Variants in DIDO1 observed in about 807,000 individuals in gnomAD.
DIDO1 encodes the protein death-inducer obliterator 1.
A neutral mutation model predicts 99.4 loss-of-function variants in DIDO1; 16 were observed. The observed-to-expected ratio is 0.16, with a 90% CI of 0.11 to 0.24. The LOEUF (loss-of-function observed/expected upper bound fraction) is 0.24, where lower values mean the gene tolerates loss of function less well. Ranked by LOEUF, DIDO1 falls within the 10% of genes least tolerant of loss-of-function variation. The pLI is 1.00. For missense variants in DIDO1, 2,996 were observed against 3,014.0 expected, an observed-to-expected ratio of 0.99 and a Z score of 0.14; for synonymous variants, 1,366 against 1,239.1, an observed-to-expected ratio of 1.10 and a Z score of -2.15.
chr20:62,894,063 C>T lies in DIDO1; in HGVS notation c.2704G>A (p.Val902Met), dbSNP rs925439136. The T allele has an allele frequency of 1.9e-6, 3 of 1,614,246 alleles. No homozygotes were observed. The highest frequency in any genetic ancestry group is 2.5e-6 in the Non-Finnish European group (3 of 1,180,052). The change falls in exon 12 of 16, where the codon GTG (valine) becomes ATG (methionine). Residue 902 changes from valine (V) to methionine (M), a missense_variant. Physicochemically the swap from Val to Met is conservative, Grantham distance 21. Transcript: ENST00000395343. The surrounding 1 kb of genome is among the most constrained non-coding windows in gnomAD (Gnocchi z 4.4). ...PDPAPDSADE[V>M]MPEAVPEVAS... Reference sequence around the variant, plus strand: ...ACTTCAGGCACAGCCTCCGGCATCACCTCATCAGCTGAATCCGGAGCTGGG... The same window carrying T: ...ACTTCAGGCACAGCCTCCGGCATCATCTCATCAGCTGAATCCGGAGCTGGG...
rs1193596826 is a variant in DIDO1 at position 62,914,348 on chromosome 20, C to T, written c.-141G>A. ...GTTGTCAGCCACTGTTCACGAGTAA[C>T]AGGCTTCGTATTTTCAACAACTCAG... On this transcript the variant is annotated 5_prime_UTR_variant, in exon 2 of 16. Transcript: ENST00000395343. The T allele has an allele frequency of 6.6e-6, 1 of 152,234 alleles. No homozygotes were observed. The highest frequency in any genetic ancestry group is 1.5e-5 in the Non-Finnish European group (1 of 68,044). The allele number at this position is 152,234 out of a possible 1,614,324, so 9.4% of individuals were successfully genotyped here.
intron 15 of DIDO1, among the ~76,000 whole-genome samples, chr20:62,882,885 C>CGTGCCA (rs1252432550): frequency 1.3e-5 from 2 of 149,290 alleles, no homozygotes; most frequent in Non-Finnish European, 3.0e-5. Context: ...TTCTTCCCCT[C>CGTGCCA]GTGCCACTGC....
At chr20:62,897,243 T>C (rs926006546) in intron 6 of DIDO1, among the ~76,000 whole-genome samples, 6 of 152,380 alleles carry the variant, frequency 3.9e-5, no homozygotes, top group South Asian at 2.1e-4. Flanking sequence ...TTCTATCTTT[T>C]ACCTTCAACC....
In DIDO1 at chr20:62,911,986, C is replaced by T. The variant is rs915415659; in HGVS notation, c.-2-372G>A. Among the ~76,000 whole-genome samples, 5 of 151,500 alleles carry T rather than the reference C, an allele frequency of 3.3e-5. No homozygotes were observed. Among genetic ancestry groups the T allele is most frequent in the African/African-American group, 9.8e-5 (4 of 40,810 alleles). ...GACGTGAGCAAGGACGCGAGCAGCT[C>T]GGAGGTGGCACGAGCTCCCCAGCAC... On this transcript the variant is annotated intron_variant, in intron 2 of 15. Transcript: ENST00000395343. The surrounding 1 kb of genome is among the most constrained non-coding windows in gnomAD (Gnocchi z 7.0).
upstream of DIDO1, among the ~76,000 whole-genome samples, chr20:62,930,085 CAAAAAT>C (rs1310542836): frequency 1.3e-5 from 2 of 151,920 alleles, no homozygotes; most frequent in African/African-American, 4.8e-5. Flanking sequence ...ACTAAAAATA[CAAAAAT>C]TAGCCGGGCG....
rs878923358 is a variant in DIDO1 at position 62,882,489 on chromosome 20, G to A, written c.3542-75C>T. 51 of 1,354,692 alleles carry A rather than the reference G, an allele frequency of 3.8e-5. 1 individual carries two copies. In the South Asian group the frequency reaches 6.6e-4, roughly 17 times the overall value. 83.9% of individuals were successfully genotyped at this position (1,354,692 alleles called of 1,614,324 possible). On this transcript the variant is annotated intron_variant, in intron 15 of 15. Transcript: ENST00000395343. The stretch of plus-strand genomic sequence containing the variant: ...ACCCTTTAGAGGTGAATTTCATTAA[G>A]GGCTTTCACGGGGAACGTTTAATAG...
intron 6 of DIDO1, among the ~76,000 whole-genome samples, chr20:62,901,484 C>T (rs967385730): frequency 2.6e-5 from 4 of 152,180 alleles, no homozygotes; most frequent in African/African-American, 7.2e-5. Context: ...ATCTCCCACA[C>T]GAGTAATTTA....
rs756083744 is a variant in DIDO1 at position 62,905,953 on chromosome 20, C to G, written c.1522G>C (p.Asp508His). The change falls in exon 6 of 16, where the codon GAT (aspartate) becomes CAT (histidine). Residue 508 changes from aspartate to histidine, a missense_variant. Coordinates refer to ENST00000395343, the MANE Select transcript of DIDO1 (RefSeq NM_001193369.2). The stretch of plus-strand genomic sequence containing the variant: ...GGCTTTACTGCATTGTAATTGTGAT[C>G]GCTCGCCCACGACGGCGTGCTGCTC... ...CESSTPSWAS[D>H]HNYNAVKPEK... 6.2e-7 allele frequency: 1 copy of G among 1,614,032 alleles called. No homozygotes were observed. Among genetic ancestry groups the G allele is most frequent in the Non-Finnish European group, 8.5e-7 (1 of 1,180,028 alleles).
chr20:62,905,265 C>G, intron 6 of DIDO1: 1 of 1,353,122 alleles, frequency 7.4e-7, no homozygotes, highest in East Asian at 3.0e-5. Context: ...ACCGTGGGGC[C>G]TATGAAGCAG....
chr20:62,925,813 A>G (rs1215472700), intron 1 of DIDO1, among the ~76,000 whole-genome samples: 1 of 152,132 alleles, frequency 6.6e-6, no homozygotes, highest in African/African-American at 2.4e-5. Context: ...AAACCAACGC[A>G]ACAAACTATT....
At position 62,879,233 on chromosome 20, in the gene DIDO1, C is replaced by A; in HGVS notation, c.6723G>T (p.Ter2241TyrextTer10). 1 of 1,516,030 alleles carries A rather than the reference C, an allele frequency of 6.6e-7. No individual in the cohort carries two copies. Among genetic ancestry groups the A allele is most frequent in the Non-Finnish European group, 8.8e-7 (1 of 1,137,602 alleles). 93.9% of individuals were successfully genotyped at this position (1,516,030 alleles called of 1,614,324 possible). A position where few individuals can be genotyped will look rare whatever the true frequency, so the allele number is the denominator to read the frequency against. ...ASDAGTASQA* is the reference protein window; with the variant it reads ...ASDAGTASQAY The stretch of plus-strand genomic sequence containing the variant: ...AAGGGTCTCTGCCCGGCCGGGGCGT[C>A]TAGGCCTGCGAGGCGGTGCCAGCGT... The change falls in exon 16 of 16, where the codon TAG (stop) becomes TAT (tyrosine). Residue 2241 changes from the stop codon to tyrosine (Y), a stop_lost. Transcript: ENST00000395343. The surrounding 1 kb of genome is among the most constrained non-coding windows in gnomAD (Gnocchi z 6.3).
chr20:62,929,520 G>A (rs2065303131), upstream of DIDO1, among the ~76,000 whole-genome samples: 1 of 151,804 alleles, frequency 6.6e-6, no homozygotes, highest in South Asian at 2.1e-4. Flanking sequence ...CCGGAGATCG[G>A]CCCGGTCGTG....
chr20:62,887,738 CATG>C, intron 15 of DIDO1: 1 of 985,518 alleles, frequency 1.0e-6, no homozygotes, highest in Non-Finnish European at 1.2e-6. Context: ...ATCTCCCTTC[CATG>C]AACAAGGCCC....
chr20:62,910,743 G>A (rs1303983121), intron 3 of DIDO1, 31 bp downstream of exon 3: 1 of 1,589,442 alleles, frequency 6.3e-7, no homozygotes, highest in Admixed American at 1.7e-5. Context: ...TGCAACCCTG[G>A]GATTTCTGTG....
Position 62,880,462 on chromosome 20 carries a change from CAAGGT to C in DIDO1, c.5489_5493del (p.Tyr1830TrpfsTer12). ...GATGGTGCCACTCCTCGTGGTCCAC[CAAGGT>C]AAGAGGGTGAGGGGCCTCTGCTGTC... is the stretch of plus-strand genomic sequence containing the variant. On this transcript the variant is annotated frameshift_variant, in exon 16 of 16. Coordinates refer to ENST00000395343, the MANE Select transcript of DIDO1 (RefSeq NM_001193369.2). LOFTEE classifies it low-confidence loss of function (END_TRUNC). 1 of 1,612,920 alleles carries C rather than the reference CAAGGT, an allele frequency of 6.2e-7. No individual in the cohort carries two copies. The highest frequency in any genetic ancestry group is 1.3e-5 in the African/African-American group (1 of 75,072).
At position 62,896,714 on chromosome 20, in the gene DIDO1, G is replaced by A; in HGVS notation, c.1871C>T (p.Ala624Val). 1 of 1,613,740 alleles carries A rather than the reference G, an allele frequency of 6.2e-7. No individual in the cohort carries two copies. Among genetic ancestry groups the A allele is most frequent in the Non-Finnish European group, 8.5e-7 (1 of 1,179,860 alleles). The change falls in exon 7 of 16, where the codon GCC (alanine) becomes GTC (valine). Residue 624 changes from alanine to valine, a missense_variant. Around this residue, in one of 5 missense-constraint regions of DIDO1, gnomAD observed 898 missense variants for 972.7 expected, o/e 0.92. Transcript: ENST00000395343. This position sits in a 1 kb window ranked among gnomAD's most constrained non-coding sequence, Gnocchi z 4.4. ...AGPAPAAATA[A>V]SKKFPGSAAL... ...AGCGGAGCCAGGGAACTTCTTGGAG[G>A]CAGCCGTTGCCGCTGCAGGTGCCGG...
exon 1 of DIDO1, chr20:62,937,898 C>T (rs888023053): frequency 5.0e-6 from 2 of 398,470 alleles, no homozygotes; most frequent in Admixed American, 4.4e-5. Context: ...CGCCTTTTGA[C>T]TCTGGCGCCA....
intron 15 of DIDO1, chr20:62,889,661 G>C (rs2064359257): frequency 2.0e-6 from 2 of 985,250 alleles, no homozygotes; most frequent in Non-Finnish European, 2.4e-6. Context: ...TCCTCTCCCT[G>C]GTCACGTGGA....
intron 1 of DIDO1, among the ~76,000 whole-genome samples, chr20:62,935,669 C>T (rs1448956515): frequency 2.0e-5 from 3 of 152,198 alleles, no homozygotes; most frequent in Non-Finnish European, 4.4e-5. Flanking sequence ...ATGGCTGGAG[C>T]AGAGAGTAAG....
Sources: allele counts gnomAD v4.1 joint callset (sites outside exome capture counted in the v4.1 genomes callset), GRCh38; gene constraint gnomAD v4.1.1; regional missense constraint gnomAD v4.1.1; non-coding constraint Gnocchi (gnomAD v3.1); transcripts MANE v1.5; gene names NCBI Gene and HGNC (gene_info 2026-07-23, HGNC 2026-07-21).